EXOC4: variants seen among roughly 807,000 people sequenced by gnomAD.
EXOC4 encodes the protein SEC8-like 1.
A neutral mutation model predicts 107.2 loss-of-function variants in EXOC4; 71 were observed. The observed-to-expected ratio is 0.66, with a 90% CI of 0.55 to 0.81. EXOC4 has a LOEUF of 0.81. EXOC4 is among the 30% of genes least tolerant of loss of function. The pLI is 0.00. For missense variants in EXOC4, 1,108 were observed against 1,189.6 expected (o/e 0.93, Z 1.01); for synonymous variants, 456 against 441.2 (o/e 1.03, Z -0.42).
At chr7:133,540,057 G>T (rs1414888423) in intron 9 of EXOC4, among the ~76,000 whole-genome samples, 5 of 152,140 alleles carry the variant, frequency 3.3e-5, no homozygotes, top group African/African-American at 9.7e-5. Flanking sequence ...AAACCTGGGA[G>T]GAGCAGTTCG....
chr7:133,561,641 G>C (rs1413291906), intron 9 of EXOC4, among the ~76,000 whole-genome samples: 1 of 152,156 alleles, frequency 6.6e-6, no homozygotes, highest in Non-Finnish European at 1.5e-5. Context: ...ATGAGAAAAA[G>C]AAATTGATTC....
At chr7:133,854,121 G>C (rs536448531) in intron 11 of EXOC4, among the ~76,000 whole-genome samples, 56 of 152,238 alleles carry the variant, frequency 3.7e-4, no homozygotes, top group Middle Eastern at 3.4e-3. Flanking sequence ...GAGAGGGAGT[G>C]TGTCAAAAGG....
intron 14 of EXOC4, among the ~76,000 whole-genome samples, chr7:133,967,452 C>T (rs1439138783): frequency 6.6e-6 from 1 of 152,166 alleles, no homozygotes; most frequent in African/African-American, 2.4e-5. Flanking sequence ...CCCGCTTTCT[C>T]CTGTGGACAT....
At chr7:133,551,443 T>A (rs554312899) in intron 9 of EXOC4, among the ~76,000 whole-genome samples, 2 of 152,296 alleles carry the variant, frequency 1.3e-5, no homozygotes, top group African/African-American at 2.4e-5. Flanking sequence ...AGAAATAATA[T>A]TTTGATTATT....
intron 3 of EXOC4, among the ~76,000 whole-genome samples, chr7:133,303,032 C>T (rs1429689606): frequency 6.6e-6 from 1 of 152,212 alleles, no homozygotes; most frequent in African/African-American, 2.4e-5. Context: ...CGTACCTCCC[C>T]AGTACAACAG....
chr7:133,423,483 T>G (rs1701727460), intron 7 of EXOC4, among the ~76,000 whole-genome samples: 1 of 152,220 alleles, frequency 6.6e-6, no homozygotes, highest in Non-Finnish European at 1.5e-5. Context: ...TGTGTAGGTG[T>G]GAGTATGTGC....
intron 12 of EXOC4, among the ~76,000 whole-genome samples, chr7:133,907,724 T>A (rs10281716): frequency 0.47 from 70,988 of 151,708 alleles, 17,932 homozygotes; most frequent in African/African-American, 0.66. Flanking sequence ...CTGTAATCCC[T>A]TCTACTCAGG....
intron 9 of EXOC4, among the ~76,000 whole-genome samples, chr7:133,597,809 G>A (rs751153826): frequency 4.0e-5 from 6 of 151,828 alleles, no homozygotes; most frequent in Admixed American, 1.3e-4. Context: ...CCAGGAGTTC[G>A]AGATCAGTCT....
At chr7:133,524,066 T>G (rs1267302043) in intron 9 of EXOC4, among the ~76,000 whole-genome samples, 1 of 146,096 alleles carries the variant, frequency 6.8e-6, no homozygotes, top group East Asian at 2.0e-4. Context: ...ACCAACAGTG[T>G]AAAAGTGTTC....
At chr7:133,978,403 G>C (rs1387579616) in intron 14 of EXOC4, among the ~76,000 whole-genome samples, 1 of 152,184 alleles carries the variant, frequency 6.6e-6, no homozygotes, top group African/African-American at 2.4e-5. Context: ...GTAGCCCAGA[G>C]ATCCTTGGTG....
intron 7 of EXOC4, among the ~76,000 whole-genome samples, chr7:133,440,880 A>G (rs1369986113): frequency 6.6e-6 from 1 of 152,258 alleles, no homozygotes; most frequent in African/African-American, 2.4e-5. Flanking sequence ...CCCTTGGGGC[A>G]GCTCTGTGGA....
In EXOC4 at chr7:133,823,891, TATTTTATATATATATATATAA is replaced by T. The variant is rs1563015056; in HGVS notation, c.1734+6350_1734+6370del. 6.1e-3 allele frequency among the ~76,000 whole-genome samples: 135 copies of T among 22,124 alleles called. 12 individuals are homozygous for T. The highest frequency in any genetic ancestry group is 0.06 in the African/African-American group (112 of 1,856). 14.5% of individuals were successfully genotyped at this position (22,124 alleles called of 152,430 possible). ...TATATATTATATATATATATATATA[TATTTTATATATATATATATAA>T]ATATATATATAAATTATATATATAT... On this transcript the variant is annotated intron_variant, in intron 11 of 17. Coordinates refer to ENST00000253861, the MANE Select transcript of EXOC4 (RefSeq NM_021807.4).
the EXOC4 span, among the ~76,000 whole-genome samples, chr7:134,090,088 C>T: frequency 0.78 from 119,103 of 152,232 alleles, 47,562 homozygotes; most frequent in African/African-American, 0.93. Flanking sequence ...ATTACACTTT[C>T]TACTTTTCTG....
intron 10 of EXOC4, among the ~76,000 whole-genome samples, chr7:133,698,508 T>A (rs1397128894): frequency 1.0e-4 from 15 of 150,008 alleles, no homozygotes; most frequent in Admixed American, 1.0e-3. Context: ...CCTGTGTGTA[T>A]GAGGTTGAGG....
intron 9 of EXOC4, among the ~76,000 whole-genome samples, chr7:133,554,125 C>T (rs971671891): frequency 2.5e-4 from 38 of 152,158 alleles, no homozygotes; most frequent in African/African-American, 8.4e-4. Flanking sequence ...TTTCTTAAGT[C>T]GTGCTTTATC....
chr7:133,385,846 T>C (rs1159059918), intron 7 of EXOC4, among the ~76,000 whole-genome samples: 1 of 152,232 alleles, frequency 6.6e-6, no homozygotes, highest in Non-Finnish European at 1.5e-5. Context: ...GAATCCGTGA[T>C]AACTTTCAAC....
intron 10 of EXOC4, among the ~76,000 whole-genome samples, chr7:133,656,175 A>G (rs1040518886): frequency 6.6e-6 from 1 of 152,158 alleles, no homozygotes; most frequent in Non-Finnish European, 1.5e-5. Context: ...TGTAGTATAG[A>G]AGGACTTGGA....
rs561796548 is a variant in EXOC4, at chr7:133,483,083, T to C, written c.1417+2945T>C. On this transcript the variant is annotated intron_variant, in intron 9 of 17. Coordinates refer to ENST00000253861, the MANE Select transcript of EXOC4 (RefSeq NM_021807.4). ...GGAACAATGCTCTCTTGTTTGAGTTTGCCACGAAACTATAAGCTGCAAGAG... is the reference window on the plus strand; with the variant it reads ...GGAACAATGCTCTCTTGTTTGAGTTCGCCACGAAACTATAAGCTGCAAGAG... Among the ~76,000 whole-genome samples the C allele has an allele frequency of 5.9e-5, 9 of 152,348 alleles. No homozygotes were observed. The South Asian group carries it at 1.9e-3, about 32-fold the overall frequency.
chr7:134,092,922 C>CAA, the EXOC4 span, among the ~76,000 whole-genome samples: 1,533 of 80,442 alleles, frequency 0.019, 42 homozygotes, highest in African/African-American at 0.066. Flanking sequence ...GACTCCATCT[C>CAA]AAAAAAAAAA....
Sources: allele counts gnomAD v4.1 joint callset (sites outside exome capture counted in the v4.1 genomes callset), GRCh38; gene constraint gnomAD v4.1.1; transcripts MANE v1.5; gene names NCBI Gene and HGNC (gene_info 2026-07-23, HGNC 2026-07-21).